COL4A6: variants seen among roughly 807,000 people sequenced by gnomAD.
The protein encoded by COL4A6 is collagen alpha-6(IV) chain.
A neutral mutation model predicts 126.7 loss-of-function variants in COL4A6; 59 were observed. That is an observed-to-expected ratio of 0.47 (90% CI 0.38 to 0.58). The LOEUF is 0.58. COL4A6 is among the 20% of genes least tolerant of loss of function. The pLI is 0.00. For missense variants in COL4A6, 1,285 were observed against 1,337.3 expected, an observed-to-expected ratio of 0.96 and a Z score of 0.61; for synonymous variants, 547 against 496.6, an observed-to-expected ratio of 1.10 and a Z score of -1.35.
At chrX:108,193,006 G>C (rs2035098849) in intron 17 of COL4A6, among the ~76,000 whole-genome samples, 1 of 112,310 alleles carries the variant, frequency 8.9e-6, no homozygotes, top group Non-Finnish European at 1.9e-5. Flanking sequence ...GATGAGAGGA[G>C]AGGGATAAGT....
At chrX:108,191,369 C>A (rs780987246) in intron 19 of COL4A6, 24 bp downstream of exon 19, 2 of 1,201,379 alleles carry the variant, frequency 1.7e-6, no homozygotes, top group African/African-American at 3.5e-5. Flanking sequence ...ATCTTGAGAC[C>A]AAAAAGAGAA....
At chrX:108,298,855 T>G (rs1603040458) in intron 3 of COL4A6, among the ~76,000 whole-genome samples, 1 of 110,471 alleles carries the variant, frequency 9.1e-6, no homozygotes, top group South Asian at 4.0e-4. Context: ...GGGCTTCTAT[T>G]CTGCTCTCAG....
intron 38 of COL4A6, 26 bp downstream of exon 38, chrX:108,165,344 C>A (rs1406850169): frequency 4.4e-6 from 5 of 1,137,149 alleles, no homozygotes; most frequent in Non-Finnish European, 6.0e-6. Context: ...TGGTGGCTAG[C>A]CCTCTTTTGG....
Position 108,165,424 on chromosome X carries a change from G to T in COL4A6, c.3754C>A (p.Leu1252Ile). The T allele has an allele frequency of 1.7e-6, 2 of 1,209,068 alleles. No individual in the cohort carries two copies. Among genetic ancestry groups the T allele is most frequent in the Non-Finnish European group, 2.2e-6 (2 of 894,605 alleles). The change falls in exon 38 of 45, where the codon CTC becomes ATC. Residue 1252 changes from leucine (L) to isoleucine (I), a missense_variant. Leu to Ile is a conservative substitution (Grantham distance 5, BLOSUM62 2). Coordinates refer to ENST00000334504, the MANE Select transcript of COL4A6 (RefSeq NM_033641.4). ...GGGTCACCAGGCTGTCCTGCTATGA[G>T]TGAGGGCAAGGAGATGCCTGGGGCA... Reference protein sequence around the residue: ...PGAPGISLPSLIAGQPGDPGR... With the variant: ...PGAPGISLPSIIAGQPGDPGR...
rs182107672 is a variant in COL4A6 at position 108,277,459 on chromosome X, G to C, written c.144+33289C>G. On this transcript the variant is annotated intron_variant, in intron 3 of 44. Coordinates refer to ENST00000334504, the MANE Select transcript of COL4A6 (RefSeq NM_033641.4). ...GGGATGGGTGCCCACCATTGCCCAG[G>C]CTTGCTTAGGTAAACAAAGCAGCCC... 1.0e-3 allele frequency among the ~76,000 whole-genome samples: 118 copies of C among 112,603 alleles called. 5 individuals are homozygous for C. The East Asian group carries it at 0.032, about 30-fold the overall frequency.
intron 10 of COL4A6, 47 bp from the exon 11 acceptor site, chrX:108,205,527 T>G (rs2035523294): frequency 8.8e-7 from 1 of 1,132,070 alleles, no homozygotes; most frequent in African/African-American, 1.8e-5. Flanking sequence ...GATTACTAAA[T>G]AAGCTCTGGG....
chrX:108,217,156 C>T (rs1253797279), intron 5 of COL4A6, among the ~76,000 whole-genome samples: 3 of 112,086 alleles, frequency 2.7e-5, no homozygotes, highest in African/African-American at 9.7e-5. Context: ...GAAGTGACGA[C>T]TAACCCACTC....
At chrX:108,224,587 A>C (rs1179570533) in intron 3 of COL4A6, among the ~76,000 whole-genome samples, 4 of 111,168 alleles carry the variant, frequency 3.6e-5, no homozygotes, top group African/African-American at 1.3e-4. Context: ...ATGAGACAAA[A>C]AGCCTTCCCA....
chrX:108,323,653 A>T (rs2039081755), intron 2 of COL4A6, among the ~76,000 whole-genome samples: 1 of 111,944 alleles, frequency 8.9e-6, no homozygotes, highest in South Asian at 3.7e-4. Context: ...AATTCTAGTC[A>T]CATCCGTTCT....
chrX:108,396,434 T>C (rs769250496), intron 2 of COL4A6, among the ~76,000 whole-genome samples: 1 of 111,753 alleles, frequency 8.9e-6, no homozygotes, highest in African/African-American at 3.2e-5. Context: ...CTGGTCTGGG[T>C]TTTCCCAAAT....
chrX:108,185,066 A>G (rs1204849816), intron 23 of COL4A6, among the ~76,000 whole-genome samples: 2 of 112,148 alleles, frequency 1.8e-5, no homozygotes, highest in Non-Finnish European at 3.8e-5. Context: ...AGCTGACACT[A>G]GGACTTCCAA....
intron 41 of COL4A6, 30 bp downstream of exon 41, chrX:108,162,862 C>T (rs1398977803): frequency 8.9e-6 from 10 of 1,126,322 alleles, no homozygotes; most frequent in Non-Finnish European, 1.2e-5. Flanking sequence ...AACTCCCCAA[C>T]AAATCTCCTT....
At chrX:108,334,422 G>A (rs1044180229) in intron 2 of COL4A6, among the ~76,000 whole-genome samples, 2 of 111,604 alleles carry the variant, frequency 1.8e-5, no homozygotes, top group Admixed American at 9.5e-5. Flanking sequence ...ACACAAAACA[G>A]TTTTTCAATA....
chrX:108,209,701 C>T (rs1202570241), intron 8 of COL4A6, among the ~76,000 whole-genome samples: 2 of 112,223 alleles, frequency 1.8e-5, no homozygotes, highest in African/African-American at 3.2e-5. Context: ...AGGCAAAATA[C>T]ATTCCTAGGG....
chrX:108,219,583 A>G, intron 5 of COL4A6, 115 bp downstream of exon 5: 2 of 689,259 alleles, frequency 2.9e-6, no homozygotes, highest in Non-Finnish European at 4.6e-6. Context: ...ACATATCTCA[A>G]CACTTGTTCC....
intron 3 of COL4A6, among the ~76,000 whole-genome samples, chrX:108,254,461 A>G (rs1039804454): frequency 3.6e-5 from 4 of 111,539 alleles, no homozygotes; most frequent in Non-Finnish European, 5.7e-5. Context: ...GCACTTCTAG[A>G]CAGTTGCAGT....
intron 2 of COL4A6, among the ~76,000 whole-genome samples, chrX:108,437,637 G>A (rs952150212): frequency 6.3e-5 from 7 of 111,886 alleles, no homozygotes; most frequent in African/African-American, 2.3e-4. Context: ...TTCTGCCGTG[G>A]AGATTGATGC....
chrX:108,359,264 C>CA (rs1197899078), intron 2 of COL4A6, among the ~76,000 whole-genome samples: 2 of 112,257 alleles, frequency 1.8e-5, no homozygotes, highest in Non-Finnish European at 3.8e-5. Context: ...ATAAATTAGA[C>CA]AATTGAGGGC....
At chrX:108,404,939 A>G (rs1041005126) in intron 2 of COL4A6, among the ~76,000 whole-genome samples, 1 of 111,585 alleles carries the variant, frequency 9.0e-6, no homozygotes, top group Non-Finnish European at 1.9e-5. Context: ...GATTTTTAGC[A>G]CAATGGTTGT....
Sources: allele counts gnomAD v4.1 joint callset (sites outside exome capture counted in the v4.1 genomes callset), GRCh38; gene constraint gnomAD v4.1.1; transcripts MANE v1.5; gene names NCBI Gene and HGNC (gene_info 2026-07-23, HGNC 2026-07-21).